The following DENND2C variants were observed in gnomAD, a reference collection of about 807,000 sequenced individuals.
DENND2C encodes the protein DENN domain-containing protein 2C.
Under a neutral mutation model 112.4 loss-of-function variants are expected in DENND2C, and 72 were observed. The observed-to-expected ratio is 0.64, with a 90% CI of 0.53 to 0.78. DENND2C has a LOEUF of 0.78. Among genes scored for constraint, DENND2C ranks in the 30% least tolerant of loss-of-function variants. The pLI is 0.00. For missense variants in DENND2C, 992 were observed against 1,113.8 expected (o/e 0.89, Z 1.56); for synonymous variants, 329 against 381.6 (o/e 0.86, Z 1.61).
chr1:114,636,777 T>C (rs1656669460), intron 3 of DENND2C, among the ~76,000 whole-genome samples: 1 of 151,856 alleles, frequency 6.6e-6, no homozygotes, highest in South Asian at 2.1e-4. Context: ...AACAATATGA[T>C]TGTAAATGTA....
chr1:114,638,100 AG>A (rs1371050446), intron 3 of DENND2C, among the ~76,000 whole-genome samples: 5 of 152,240 alleles, frequency 3.3e-5, no homozygotes, highest in African/African-American at 9.6e-5. Context: ...GACAGACAAA[AG>A]GATCAGCAGA....
At chr1:114,610,816 C>T (rs776665782) in intron 9 of DENND2C, among the ~76,000 whole-genome samples, 4 of 152,168 alleles carry the variant, frequency 2.6e-5, no homozygotes, top group Admixed American at 6.6e-5. Context: ...TGCCGCTCCC[C>T]TAAGAATATT....
At chr1:114,659,240 C>G (rs538576423) in intron 1 of DENND2C, among the ~76,000 whole-genome samples, 1 of 152,164 alleles carries the variant, frequency 6.6e-6, no homozygotes. Flanking sequence ...GTGACTCACG[C>G]CTATAACCCC....
chr1:114,595,716 G>T, intron 17 of DENND2C, 116 bp downstream of exon 17: 1 of 919,112 alleles, frequency 1.1e-6, no homozygotes. Flanking sequence ...GTATGTGTAG[G>T]AACTAAAAGT....
At chr1:114,669,559 G>C (rs996123141) in intron 1 of DENND2C, among the ~76,000 whole-genome samples, 3 of 152,180 alleles carry the variant, frequency 2.0e-5, no homozygotes, top group Non-Finnish European at 4.4e-5. Flanking sequence ...AATATTGTTT[G>C]GAAGTGCATC....
In DENND2C at chr1:114,583,493, A is replaced by AAAAC. The variant is rs1553231827; in HGVS notation, c.*2106_*2107insGTTT. 3 of 145,908 alleles carry AAAAC rather than the reference A, an allele frequency of 2.1e-5. No individual in the cohort carries two copies. The highest frequency in any genetic ancestry group is 7.6e-5 in the African/African-American group (3 of 39,244). The allele number at this position is 145,908 out of a possible 1,614,324, so 9.0% of individuals were successfully genotyped here. ...ACTTGAATTTGCCCATGAGTTTGAA[A>AAAAC]ACACACACACACACACACACACACA... On this transcript the variant is annotated 3_prime_UTR_variant, in exon 21 of 21. Transcript: ENST00000393274.
In DENND2C at chr1:114,641,289, G is replaced by GA. The variant is rs1029507430; in HGVS notation, c.-205+4158dup. 7.5e-5 allele frequency among the ~76,000 whole-genome samples: 11 copies of GA among 147,274 alleles called. No homozygotes were observed. In the South Asian group the frequency reaches 1.9e-3, roughly 26 times the overall value. Reference sequence around the variant, plus strand: ...AAAAAAAAAAAAAAGAAAAGAAAAAGAAAAAAAATCGCTTTGAACTCAGCA... The same window carrying GA: ...AAAAAAAAAAAAAAGAAAAGAAAAAGAAAAAAAAATCGCTTTGAACTCAGCA... On this transcript the variant is annotated intron_variant, in intron 3 of 20. Transcript: ENST00000393274.
chr1:114,607,973 AT>A (rs1180558464), intron 10 of DENND2C, among the ~76,000 whole-genome samples: 2 of 152,160 alleles, frequency 1.3e-5, no homozygotes, highest in Admixed American at 1.3e-4. Flanking sequence ...GATTACCCCC[AT>A]TTTACAAATT....
chr1:114,648,279 A>G (rs1393302816), intron 2 of DENND2C, among the ~76,000 whole-genome samples: 1 of 152,242 alleles, frequency 6.6e-6, no homozygotes, highest in African/African-American at 2.4e-5. Context: ...ACTGTATATT[A>G]TACTACTTGT....
At position 114,625,937 on chromosome 1, in the gene DENND2C, G is replaced by C. The variant is rs762446232; in HGVS notation, c.48C>G (p.Ser16Arg). The C allele has an allele frequency of 6.2e-7, 1 of 1,613,938 alleles. No homozygotes were observed. Among genetic ancestry groups the C allele is most frequent in the Admixed American group, 1.7e-5 (1 of 60,004 alleles). Residue 16 changes from serine (S) to arginine (R), a missense_variant, in exon 4 of 21, where the codon AGC (serine) becomes AGG (arginine). This residue lies in a region of DENND2C where 470 missense variants were observed against 472.7 expected (regional missense o/e 0.99). Transcript: ENST00000393274. ...TTTTTTGTTTGATGTTTTTGCAGTGGCTTCTTGACAGTGTCTGAACAGTAG... is the reference window on the plus strand; with the variant it reads ...TTTTTTGTTTGATGTTTTTGCAGTGCCTTCTTGACAGTGTCTGAACAGTAG... ...SRTTVQTLSR[S>R]HCKNIKQKIS... is the part of the protein sequence containing the mutation.
At chr1:114,651,308 C>CACACACA (rs1553237779) in intron 2 of DENND2C, among the ~76,000 whole-genome samples, 1 of 150,872 alleles carries the variant, frequency 6.6e-6, no homozygotes, top group Non-Finnish European at 1.5e-5. Context: ...CACACACACG[C>CACACACA]CAAGTATGAA....
At chr1:114,647,320 G>T (rs1657020964) in intron 2 of DENND2C, among the ~76,000 whole-genome samples, 1 of 151,370 alleles carries the variant, frequency 6.6e-6, no homozygotes, top group Non-Finnish European at 1.5e-5. Context: ...ATTTTTAACT[G>T]ATCAATTCCA....
intron 3 of DENND2C, among the ~76,000 whole-genome samples, chr1:114,630,052 C>A (rs186584441): frequency 2.6e-5 from 4 of 152,148 alleles, no homozygotes; most frequent in African/African-American, 9.7e-5. Flanking sequence ...TGGTGGCTCA[C>A]GCCTGTAATC....
At chr1:114,592,989 T>C (rs1655238234) in intron 18 of DENND2C, among the ~76,000 whole-genome samples, 3 of 152,170 alleles carry the variant, frequency 2.0e-5, no homozygotes, top group Admixed American at 2.0e-4. Context: ...CTCCTGTTTG[T>C]TTTTTATTTT....
intron 8 of DENND2C, among the ~76,000 whole-genome samples, chr1:114,613,671 A>C (rs1655883282): frequency 6.6e-6 from 1 of 152,112 alleles, no homozygotes; most frequent in Non-Finnish European, 1.5e-5. Context: ...AAGGGAGAAA[A>C]GGCAATATAA....
At chr1:114,605,670 T>G (rs183543958) in intron 10 of DENND2C, among the ~76,000 whole-genome samples, 5 of 152,270 alleles carry the variant, frequency 3.3e-5, no homozygotes, top group Admixed American at 3.3e-4. Context: ...CACATGCCTG[T>G]AGTCCCAGCT....
rs1377332786 is a variant in DENND2C at position 114,608,404 on chromosome 1, A to C, written c.1557+282T>G. ...TGTCACATTTATTATTCCCCTCCTT[A>C]AGGATGAGAAAACTAAGGTTTTGTA... On this transcript the variant is annotated intron_variant, in intron 10 of 20. Transcript: ENST00000393274. Among the ~76,000 whole-genome samples the C allele has an allele frequency of 6.6e-5, 10 of 152,222 alleles. No individual in the cohort carries two copies. In the East Asian group the frequency reaches 1.9e-3, roughly 29 times the overall value.
chr1:114,659,850 G>A (rs1657445081), intron 1 of DENND2C, among the ~76,000 whole-genome samples: 1 of 134,410 alleles, frequency 7.4e-6, no homozygotes. Context: ...GCAGTGCACT[G>A]GCATAATTGC....
In DENND2C at chr1:114,625,675, C is replaced by T. The variant is rs772944552; in HGVS notation, c.310G>A (p.Asp104Asn). ...ENENKKHEYD[D>N]THFFKNESES... ...GATTCATTTTTAAAGAAGTGTGTAT[C>T]GTCATATTCATGTTTCTTATTTTCA... The change falls in exon 4 of 21, where the codon GAT becomes AAT. Residue 104 changes from aspartate to asparagine, a missense_variant. Physicochemically the swap from Asp to Asn is conservative, Grantham distance 23. Transcript: ENST00000393274. 5 of 1,613,900 alleles carry T rather than the reference C, an allele frequency of 3.1e-6. No individual in the cohort carries two copies. The highest frequency in any genetic ancestry group is 4.5e-5 in the East Asian group (2 of 44,866).
Sources: allele counts gnomAD v4.1 joint callset (sites outside exome capture counted in the v4.1 genomes callset), GRCh38; gene constraint gnomAD v4.1.1; regional missense constraint gnomAD v4.1.1; transcripts MANE v1.5; gene names NCBI Gene and HGNC (gene_info 2026-07-23, HGNC 2026-07-21).